RPL41: variants seen among roughly 807,000 people sequenced by gnomAD.
RPL41 encodes the protein small ribosomal subunit protein eS32.
In RPL41, 3 loss-of-function variants were observed where a neutral mutation model predicts 7.3. The observed-to-expected ratio is 0.41, with a 90% confidence interval of 0.19 to 1.06. The LOEUF (loss-of-function observed/expected upper bound fraction) is 1.06, where lower values mean the gene tolerates loss of function less well. Ranked by LOEUF, RPL41 falls within the 50% of genes least tolerant of loss-of-function variation. The pLI is 0.32. For missense variants in RPL41, 13 were observed against 30.4 expected (o/e 0.43, Z 1.35); for synonymous variants, 9 against 7.4 (o/e 1.21, Z -0.34).
At position 56,117,952 on chromosome 12, in the gene RPL41, C is replaced by CG; in HGVS notation, c.*429dup. On this transcript the variant is annotated 3_prime_UTR_variant, in exon 3 of 3. Coordinates refer to ENST00000546591, the MANE Select transcript of RPL41 (RefSeq NM_001035267.2). ...GCTATAAAGGCAACAGCCCGGGTTA[C>CG]GTGGTGTGGTTTGCATCTCGCTGGA... The CG allele has an allele frequency of 3.6e-6, 1 of 279,378 alleles. No homozygotes were observed. Among genetic ancestry groups the CG allele is most frequent in the Non-Finnish European group, 7.1e-6 (1 of 140,102 alleles). 17.3% of individuals were successfully genotyped at this position (279,378 alleles called of 1,614,324 possible). A position where few individuals can be genotyped will look rare whatever the true frequency, so the allele number is the denominator to read the frequency against.
At chr12:56,116,906 C>G in intron 1 of RPL41, 107 bp downstream of exon 1, 1 of 1,428,856 alleles carries the variant, frequency 7.0e-7, no homozygotes, top group South Asian at 1.1e-5. Context: ...TTCAAGGGTG[C>G]CCAAGAGCTG....
chr12:56,117,146 T>TTG, intron 1 of RPL41, 43 bp from the exon 2 acceptor site: 2 of 1,490,216 alleles, frequency 1.3e-6, no homozygotes, highest in East Asian at 4.9e-5. Flanking sequence ...CCCTTTTTTT[T>TTG]TTTTTTTTTT....
Position 56,116,654 on chromosome 12 carries a change from T to C in RPL41, c.-134T>C, listed in dbSNP as rs1399837131. 3 of 1,114,144 alleles carry C rather than the reference T, an allele frequency of 2.7e-6. No homozygotes were observed. In the African/African-American group the frequency reaches 4.6e-5, roughly 17 times the overall value. The allele number at this position is 1,114,144 out of a possible 1,614,324, so 69.0% of individuals were successfully genotyped here. On this transcript the variant is annotated 5_prime_UTR_variant, in exon 1 of 3. Coordinates refer to ENST00000546591, the MANE Select transcript of RPL41 (RefSeq NM_001035267.2). The stretch of plus-strand genomic sequence containing the variant: ...CTTTCTCTCGGCCTTAGCGCCATTT[T>C]TTTGGGTGAGTGTTTTTTGGTTCCT...
intron 2 of RPL41, 88 bp downstream of exon 2, chr12:56,117,299 C>G: frequency 3.9e-6 from 6 of 1,522,438 alleles, no homozygotes; most frequent in Admixed American, 4.2e-5. Context: ...CTTAAAAGAT[C>G]TTTAGGAGAA....
At chr12:56,117,058 C>A (rs1045355816) in intron 1 of RPL41, 131 bp from the exon 2 acceptor site, 5 of 1,331,598 alleles carry the variant, frequency 3.8e-6, no homozygotes, top group Non-Finnish European at 5.1e-6. Flanking sequence ...ACCAATCTTT[C>A]ATACTTCTTG....
chr12:56,117,022 T>TC lies in RPL41; in HGVS notation c.13-165dup, dbSNP rs995217977. The stretch of plus-strand genomic sequence containing the variant: ...ATTCTGATCTTATGTTGGGAGGGTG[T>TC]CCAAGTTACTGATGTAGTTGTTACG... On this transcript the variant is annotated intron_variant, in intron 1 of 2. Transcript: ENST00000546591. 10 of 1,119,866 alleles carry TC rather than the reference T, an allele frequency of 8.9e-6. No homozygotes were observed. In the African/African-American group the frequency reaches 9.4e-5, roughly 11 times the overall value. The allele number at this position is 1,119,866 out of a possible 1,614,324, so 69.4% of individuals were successfully genotyped here.
chr12:56,116,759 C>T lies in RPL41; in HGVS notation c.-29C>T, dbSNP rs3209358. On this transcript the variant is annotated 5_prime_UTR_variant, in exon 1 of 3. Coordinates refer to ENST00000546591, the MANE Select transcript of RPL41 (RefSeq NM_001035267.2). ...TCACAGCAAACTAACTGTAGCCTTT[C>T]TCTCTTTCCCTGTAGAAACCTCTGC... 1.9e-6 allele frequency: 3 copies of T among 1,613,802 alleles called. No individual in the cohort carries two copies. Among genetic ancestry groups the T allele is most frequent in the East Asian group, 2.2e-5 (1 of 44,898 alleles).
intron 1 of RPL41, 174 bp downstream of exon 1, chr12:56,116,973 A>G (rs1869625245): frequency 9.2e-7 from 1 of 1,092,524 alleles, no homozygotes; most frequent in African/African-American, 1.6e-5. Flanking sequence ...ATGGGTAGAG[A>G]GGGTGGGCTT....
chr12:56,116,911 G>C (rs1396485603), intron 1 of RPL41, 112 bp downstream of exon 1: 1 of 1,369,564 alleles, frequency 7.3e-7, no homozygotes, highest in East Asian at 2.3e-5. Flanking sequence ...GGGTGCCCAA[G>C]AGCTGGTGGG....
chr12:56,116,784 C>T lies in RPL41; in HGVS notation c.-4C>T, dbSNP rs1869615086. 1 of 1,614,008 alleles carries T rather than the reference C, an allele frequency of 6.2e-7. No homozygotes were observed. Among genetic ancestry groups the T allele is most frequent in the Non-Finnish European group, 8.5e-7 (1 of 1,179,868 alleles). ...CTCTCTTTCCCTGTAGAAACCTCTG[C>T]GCCATGAGAGCCAAGGTGAGCGGTT... On this transcript the variant is annotated 5_prime_UTR_variant, in exon 1 of 3. Coordinates refer to ENST00000546591, the MANE Select transcript of RPL41 (RefSeq NM_001035267.2).
intron 2 of RPL41, 39 bp from the exon 3 acceptor site, chr12:56,117,443 T>C: frequency 1.3e-6 from 2 of 1,550,936 alleles, no homozygotes; most frequent in South Asian, 2.4e-5. Flanking sequence ...AAGGCAACTC[T>C]GGTTTGAGGT....
rs1283037722 is a variant in RPL41 at position 56,117,838 on chromosome 12, T to C, written c.*314T>C. 1.5e-5 allele frequency: 6 copies of C among 398,566 alleles called. No individual in the cohort carries two copies. The highest frequency in any genetic ancestry group is 1.2e-4 in the African/African-American group (6 of 48,252). The allele number at this position is 398,566 out of a possible 1,614,324, so 24.7% of individuals were successfully genotyped here. On this transcript the variant is annotated 3_prime_UTR_variant, in exon 3 of 3. Transcript: ENST00000546591. ...TTAGCTGAAGAATTAAATCATCTTG[T>C]CTATTATGTTTTTTATGGTTCCATC...
At chr12:56,116,847 G>T (rs1170247597) in intron 1 of RPL41, 48 bp downstream of exon 1, 4 of 1,612,216 alleles carry the variant, frequency 2.5e-6, no homozygotes, top group Non-Finnish European at 2.5e-6. Flanking sequence ...TTGGCGAGTA[G>T]TAGCGAGGAG....
At chr12:56,117,252 T>C in intron 2 of RPL41, 41 bp downstream of exon 2, 1 of 1,584,744 alleles carries the variant, frequency 6.3e-7, no homozygotes, top group Non-Finnish European at 8.5e-7. Flanking sequence ...GGGAAGTTCC[T>C]TGGACAAAAC....
At chr12:56,117,455 T>C in intron 2 of RPL41, 27 bp from the exon 3 acceptor site, 1 of 1,552,536 alleles carries the variant, frequency 6.4e-7, no homozygotes, top group South Asian at 1.2e-5. Flanking sequence ...GTTTGAGGTG[T>C]ATTCCATTCC....
In RPL41 at chr12:56,117,644, C is replaced by G; in HGVS notation, c.*120C>G. 1 of 799,858 alleles carries G rather than the reference C, an allele frequency of 1.3e-6. No individual in the cohort carries two copies. The highest frequency in any genetic ancestry group is 2.1e-6 in the Non-Finnish European group (1 of 476,420). The allele number at this position is 799,858 out of a possible 1,614,324, so 49.5% of individuals were successfully genotyped here. A position where few individuals can be genotyped will look rare whatever the true frequency, so the allele number is the denominator to read the frequency against. On this transcript the variant is annotated 3_prime_UTR_variant, in exon 3 of 3. Transcript: ENST00000546591. Reference sequence around the variant, plus strand: ...CTGTCTAGAGCTTGTCTCAATGGATCTAGAACTTCATCGCCCTCTGATCGC... The same window carrying G: ...CTGTCTAGAGCTTGTCTCAATGGATGTAGAACTTCATCGCCCTCTGATCGC...
At chr12:56,117,390 C>A in intron 2 of RPL41, 92 bp from the exon 3 acceptor site, 1 of 1,446,772 alleles carries the variant, frequency 6.9e-7, no homozygotes, top group Non-Finnish European at 9.5e-7. Flanking sequence ...TTCATTTTAC[C>A]ACCTCATTCT....
rs1215248920 is a variant in RPL41 at position 56,117,842 on chromosome 12, T to C, written c.*318T>C. 1.8e-5 allele frequency: 7 copies of C among 385,626 alleles called. No individual in the cohort carries two copies. The highest frequency in any genetic ancestry group is 3.5e-5 in the Non-Finnish European group (7 of 201,296). 23.9% of individuals were successfully genotyped at this position (385,626 alleles called of 1,614,324 possible). A position where few individuals can be genotyped will look rare whatever the true frequency, so the allele number is the denominator to read the frequency against. On this transcript the variant is annotated 3_prime_UTR_variant, in exon 3 of 3. Coordinates refer to ENST00000546591, the MANE Select transcript of RPL41 (RefSeq NM_001035267.2). ...CTGAAGAATTAAATCATCTTGTCTA[T>C]TATGTTTTTTATGGTTCCATCGGGT...
At chr12:56,117,241 A>AG in intron 2 of RPL41, 30 bp downstream of exon 2, 1 of 1,585,126 alleles carries the variant, frequency 6.3e-7, no homozygotes, top group Non-Finnish European at 8.5e-7. Flanking sequence ...GCCCAGGAGG[A>AG]GGGAAGTTCC....
Sources: allele counts gnomAD v4.1 joint callset, GRCh38; gene constraint gnomAD v4.1.1; transcripts MANE v1.5; gene names NCBI Gene and HGNC (gene_info 2026-07-23, HGNC 2026-07-21).